TANGO6: variants seen among roughly 807,000 people sequenced by gnomAD.
TANGO6 encodes transport and Golgi organization protein 6 homolog.
TANGO6 carries 90 observed loss-of-function variants against 114.2 expected under a neutral mutation model. The ratio of observed to expected loss-of-function variants is 0.79; its 90% CI spans 0.66 to 0.94. The LOEUF (loss-of-function observed/expected upper bound fraction) is 0.94, where lower values mean the gene tolerates loss of function less well. TANGO6 is among the 40% of genes least tolerant of loss of function. The pLI, the probability that TANGO6 is intolerant of heterozygous loss-of-function variation, is 0.00. For missense variants in TANGO6, 1,274 were observed against 1,315.3 expected, an observed-to-expected ratio of 0.97 and a Z score of 0.49; for synonymous variants, 477 against 509.8, an observed-to-expected ratio of 0.94 and a Z score of 0.87.
At chr16:69,030,711 G>A (rs145751406) in intron 16 of TANGO6, among the ~76,000 whole-genome samples, 125 of 152,116 alleles carry the variant, frequency 8.2e-4, no homozygotes, top group African/African-American at 2.8e-3. Flanking sequence ...CTGACACAAA[G>A]AAAAGCATCG....
At chr16:68,951,099 G>A (rs1030698965) in intron 14 of TANGO6, among the ~76,000 whole-genome samples, 4 of 152,004 alleles carry the variant, frequency 2.6e-5, no homozygotes, top group Non-Finnish European at 5.9e-5. Flanking sequence ...CGATGTGGAC[G>A]ATCACTTGAG....
chr16:69,018,139 C>CTTGTTTTTTTT (rs1959335171), intron 15 of TANGO6, among the ~76,000 whole-genome samples: 2 of 77,076 alleles, frequency 2.6e-5, no homozygotes, highest in Non-Finnish European at 5.0e-5. Context: ...TTGGAAATCT[C>CTTGTTTTTTTT]TTTTTTTTTT....
chr16:69,053,469 G>A (rs185661784), intron 17 of TANGO6, among the ~76,000 whole-genome samples: 106 of 152,086 alleles, frequency 7.0e-4, no homozygotes, highest in African/African-American at 2.4e-3. Context: ...CCCAATCTTT[G>A]CTGAAAGTTT....
chr16:69,074,365 C>T (rs1001371574), intron 17 of TANGO6, among the ~76,000 whole-genome samples: 19 of 151,742 alleles, frequency 1.3e-4, no homozygotes, highest in East Asian at 5.8e-4. Context: ...GAATTCAGGG[C>T]GAGTCTGCAG....
intron 15 of TANGO6, among the ~76,000 whole-genome samples, chr16:68,998,484 C>A (rs749717217): frequency 1.3e-5 from 2 of 152,136 alleles, no homozygotes. Flanking sequence ...GTAATCCCAG[C>A]GCTTTGGGAG....
intron 16 of TANGO6, 47 bp downstream of exon 16, chr16:69,023,026 C>G: frequency 6.7e-7 from 1 of 1,490,442 alleles, no homozygotes; most frequent in Non-Finnish European, 8.9e-7. Flanking sequence ...TCACTTGGAC[C>G]TACGATGCAT....
At chr16:68,953,046 A>ATTT (rs564703176) in intron 14 of TANGO6, among the ~76,000 whole-genome samples, 101 of 105,126 alleles carry the variant, frequency 9.6e-4, no homozygotes, top group Admixed American at 1.1e-3. Flanking sequence ...CTCAACAGGT[A>ATTT]TTTTTTATTA....
chr16:68,907,239 G>A (rs938395098), intron 9 of TANGO6, among the ~76,000 whole-genome samples: 10 of 151,740 alleles, frequency 6.6e-5, no homozygotes, highest in South Asian at 2.1e-4. Flanking sequence ...GAGCCACCGC[G>A]CCTGGCCCAT....
At chr16:68,896,385 T>C (rs1205497594) in intron 7 of TANGO6, among the ~76,000 whole-genome samples, 1 of 151,924 alleles carries the variant, frequency 6.6e-6, no homozygotes, top group Non-Finnish European at 1.5e-5. Context: ...GTGCAATGGC[T>C]CACTGCAGCC....
At chr16:68,913,544 G>A (rs982360457) in intron 11 of TANGO6, among the ~76,000 whole-genome samples, 8 of 151,230 alleles carry the variant, frequency 5.3e-5, no homozygotes. Flanking sequence ...GAGTAGCTAG[G>A]ATTATAGGCA....
At chr16:68,859,779 G>T in intron 1 of TANGO6, 105 bp from the exon 2 acceptor site, 2 of 1,307,590 alleles carry the variant, frequency 1.5e-6, no homozygotes, top group East Asian at 2.5e-5. Flanking sequence ...AGTGACAGTG[G>T]CGCCCGGCCT....
chr16:68,871,696 T>C (rs745465323), intron 4 of TANGO6, among the ~76,000 whole-genome samples: 2 of 152,196 alleles, frequency 1.3e-5, no homozygotes, highest in Non-Finnish European at 2.9e-5. Context: ...CTTGGTTCAC[T>C]GCAACTTCTG....
chr16:68,880,553 T>C lies in TANGO6; in HGVS notation c.1300T>C (p.Ser434Pro). Residue 434 changes from serine to proline, a missense_variant, in exon 7 of 18, where the codon TCA becomes CCA. By Grantham distance (74) the Ser-to-Pro change is moderately conservative (BLOSUM62 -1). Around this residue, in one of 5 missense-constraint regions of TANGO6, gnomAD observed 908 missense variants for 910.2 expected, o/e 1.00. Transcript: ENST00000261778. The part of the protein sequence containing the change: ...LHRCLNTAEL[S>P]ESDMVPGTIL... ...TTTGTGTGTTTATTTTCTAGAGCTT[T>C]CAGAGAGTGACATGGTACCAGGAAC... The C allele has an allele frequency of 6.2e-7, 1 of 1,611,148 alleles. No homozygotes were observed. Among genetic ancestry groups the C allele is most frequent in the African/African-American group, 1.3e-5 (1 of 74,872 alleles).
At chr16:69,052,190 A>G (rs557023331) in intron 17 of TANGO6, among the ~76,000 whole-genome samples, 8 of 150,702 alleles carry the variant, frequency 5.3e-5, no homozygotes, top group South Asian at 4.2e-4. Context: ...GGCTCAAGCA[A>G]TCCTGCCACC....
chr16:69,030,809 T>G lies in TANGO6; in HGVS notation c.2994+7830T>G, dbSNP rs748529770. On this transcript the variant is annotated intron_variant, in intron 16 of 17. Coordinates refer to ENST00000261778, the MANE Select transcript of TANGO6 (RefSeq NM_024562.2). ...GCTCACGCCTGTAATCCCAGCACTT[T>G]AGGAGGCGGAGGTGGGCAGATCACG... Among the ~76,000 whole-genome samples the G allele has an allele frequency of 4.1e-4, 62 of 151,912 alleles. 1 individual carries two copies. Among genetic ancestry groups the G allele is most frequent in the Admixed American group, 9.2e-4 (14 of 15,218 alleles).
At chr16:68,968,363 C>CTT (rs778462725) in intron 14 of TANGO6, among the ~76,000 whole-genome samples, 3 of 139,440 alleles carry the variant, frequency 2.2e-5, no homozygotes, top group Admixed American at 7.2e-5. Context: ...CGCACCTGGC[C>CTT]TTTTTTTTTT....
chr16:68,921,474 G>A (rs1473681942), intron 12 of TANGO6, among the ~76,000 whole-genome samples: 2 of 151,676 alleles, frequency 1.3e-5, no homozygotes, highest in Admixed American at 6.6e-5. Context: ...CACCACGCTC[G>A]GCCGGAATCA....
chr16:68,981,822 G>A (rs1392844288), intron 15 of TANGO6, among the ~76,000 whole-genome samples: 1 of 152,138 alleles, frequency 6.6e-6, no homozygotes, highest in African/African-American at 2.4e-5. Flanking sequence ...ATGCTCATTG[G>A]AGCATTTTAG....
intron 16 of TANGO6, among the ~76,000 whole-genome samples, chr16:69,032,714 T>C (rs187566702): frequency 1.3e-5 from 2 of 152,056 alleles, no homozygotes; most frequent in Non-Finnish European, 2.9e-5. Context: ...CCGTCTCTAC[T>C]AAAAATACAA....
Sources: allele counts gnomAD v4.1 joint callset (sites outside exome capture counted in the v4.1 genomes callset), GRCh38; gene constraint gnomAD v4.1.1; regional missense constraint gnomAD v4.1.1; transcripts MANE v1.5; gene names NCBI Gene and HGNC (gene_info 2026-07-23, HGNC 2026-07-21).